Variants in DMD observed in about 807,000 individuals in gnomAD.
DMD encodes the protein dystrophin.
DMD carries 63 observed loss-of-function variants against 330.1 expected under a neutral mutation model. The ratio of observed to expected loss-of-function variants is 0.19; its 90% CI spans 0.16 to 0.24. The LOEUF is 0.24. Among genes scored for constraint, DMD ranks in the 10% least tolerant of loss-of-function variants. The probability of loss-of-function intolerance (pLI) is 1.00; values close to 1 mark genes in which losing one functional copy is unlikely to be tolerated. For missense variants in DMD, 3,344 were observed against 2,684.1 expected (o/e 1.25, Z -5.43); for synonymous variants, 1,223 against 959.8 (o/e 1.27, Z -5.07).
chrX:32,958,359 T>G (rs7888091), intron 2 of DMD, among the ~76,000 whole-genome samples: 3 of 111,743 alleles, frequency 2.7e-5, no homozygotes, highest in Admixed American at 9.5e-5. Flanking sequence ...TTATTTCACT[T>G]AATTTCTCAG....
intron 62 of DMD, among the ~76,000 whole-genome samples, chrX:31,289,351 G>A (rs1430755670): frequency 9.4e-6 from 1 of 106,478 alleles, no homozygotes; most frequent in Non-Finnish European, 1.9e-5. Context: ...TATTGTAATT[G>A]ACAACGCAAA....
intron 47 of DMD, among the ~76,000 whole-genome samples, chrX:31,895,267 T>G (rs1569502907): frequency 1.8e-5 from 2 of 111,620 alleles, no homozygotes; most frequent in Non-Finnish European, 3.8e-5. Context: ...ATGGGTAAAC[T>G]ATCGAAAGCT....
chrX:32,742,069 C>T (rs963092103), intron 7 of DMD, among the ~76,000 whole-genome samples: 8 of 111,420 alleles, frequency 7.2e-5, no homozygotes, highest in Non-Finnish European at 1.3e-4. Context: ...ATGACCTGTT[C>T]AGTGCCCTTG....
At chrX:31,946,447 C>A (rs1247722597) in intron 45 of DMD, among the ~76,000 whole-genome samples, 3 of 111,433 alleles carry the variant, frequency 2.7e-5, no homozygotes, top group Non-Finnish European at 5.7e-5. Context: ...TCTGCATGAA[C>A]TTTATTAGTG....
intron 1 of DMD, among the ~76,000 whole-genome samples, chrX:33,137,339 CTT>C (rs1290542320): frequency 2.7e-5 from 3 of 111,560 alleles, no homozygotes; most frequent in African/African-American, 9.8e-5. Context: ...TAAATGTTCT[CTT>C]TTTATAGTGG....
intron 18 of DMD, among the ~76,000 whole-genome samples, chrX:32,510,928 T>A (rs893348760): frequency 1.8e-5 from 2 of 110,187 alleles, no homozygotes; most frequent in Non-Finnish European, 3.8e-5. Context: ...TGGTAGAATC[T>A]TACCTCTCTG....
intron 7 of DMD, among the ~76,000 whole-genome samples, chrX:32,743,836 T>A (rs1490403224): frequency 9.0e-6 from 1 of 111,612 alleles, no homozygotes; most frequent in African/African-American, 3.3e-5. Flanking sequence ...TATTGAGTGA[T>A]GGGTGGTTAG....
intron 2 of DMD, among the ~76,000 whole-genome samples, chrX:32,870,957 G>C: frequency 7.1e-5 from 1 of 14,153 alleles, no homozygotes; most frequent in African/African-American, 4.4e-4. Context: ...CTTCTGTACA[G>C]CAAAAAAAAA....
rs190788898 is a variant in DMD, at chrX:32,335,156, A to T, written c.5922+6944T>A. Among the ~76,000 whole-genome samples, 37 of 110,510 alleles carry T rather than the reference A, an allele frequency of 3.3e-4. 1 individual carries two copies. In the East Asian group the frequency reaches 0.01, roughly 30 times the overall value. Reference sequence around the variant, plus strand: ...ACAACTTAAAAAAGTTAGTGGAAAAATATTCACAATATATAGGTGTTTATT... The same window carrying T: ...ACAACTTAAAAAAGTTAGTGGAAAATTATTCACAATATATAGGTGTTTATT... On this transcript the variant is annotated intron_variant, in intron 41 of 78. Transcript: ENST00000357033.
In DMD at chrX:31,529,390, T is replaced by TAAATA. The variant is rs778003859; in HGVS notation, c.8218-21942_8218-21938dup. On this transcript the variant is annotated intron_variant, in intron 55 of 78. Coordinates refer to ENST00000357033, the MANE Select transcript of DMD (RefSeq NM_004006.3). ...ACAGAGCAAGACTCTGTCTCTAAAA[T>TAAATA]AAATAAAATAAAATAAAATAAAATA... is the stretch of plus-strand genomic sequence containing the variant. Among the ~76,000 whole-genome samples the TAAATA allele has an allele frequency of 3.9e-3, 430 of 109,482 alleles. 3 individuals carry two copies. Among genetic ancestry groups the TAAATA allele is most frequent in the African/African-American group, 0.013 (400 of 30,050 alleles).
intron 30 of DMD, among the ~76,000 whole-genome samples, chrX:32,392,055 G>T (rs192814639): frequency 1.2e-3 from 136 of 111,551 alleles, no homozygotes; most frequent in Non-Finnish European, 1.8e-3. Flanking sequence ...ATTGACAGAA[G>T]AGTCTGGTCA....
chrX:31,351,735 A>AAAAAAAAAAAAAAAAAAAAAAAC, intron 60 of DMD, among the ~76,000 whole-genome samples: 1 of 107,969 alleles, frequency 9.3e-6, no homozygotes, highest in Non-Finnish European at 1.9e-5. Context: ...CAAAAAAAAA[A>AAAAAAAAAAAAAAAAAAAAAAAC]AAAAAAAAAG....
intron 50 of DMD, among the ~76,000 whole-genome samples, chrX:31,784,588 A>T (rs1349036914): frequency 8.9e-6 from 1 of 111,999 alleles, no homozygotes; most frequent in African/African-American, 3.2e-5. Context: ...GGACTTTACA[A>T]TGGTGTGAAA....
At chrX:32,737,143 G>C (rs1005568035) in intron 7 of DMD, among the ~76,000 whole-genome samples, 54 of 110,034 alleles carry the variant, frequency 4.9e-4, no homozygotes, top group African/African-American at 1.8e-3. Flanking sequence ...CAACAAAAGG[G>C]GGGGGACATA....
At chrX:32,225,793 TA>T (rs1450273405) in intron 43 of DMD, among the ~76,000 whole-genome samples, 2 of 107,635 alleles carry the variant, frequency 1.9e-5, no homozygotes, top group African/African-American at 3.4e-5. Flanking sequence ...CCACCATGAG[TA>T]AAAGCTCCCT....
intron 7 of DMD, among the ~76,000 whole-genome samples, chrX:32,731,499 T>C (rs912169917): frequency 3.6e-5 from 4 of 112,438 alleles, no homozygotes; most frequent in African/African-American, 6.5e-5. Context: ...CCTCTGCAGA[T>C]TTAAATATCC....
chrX:32,675,598 T>G (rs1160919385), intron 9 of DMD, among the ~76,000 whole-genome samples: 2 of 111,595 alleles, frequency 1.8e-5, no homozygotes, highest in African/African-American at 6.5e-5. Flanking sequence ...AAACCCAACC[T>G]TTCCTCTAAT....
intron 64 of DMD, among the ~76,000 whole-genome samples, chrX:31,221,884 C>T (rs888379497): frequency 9.0e-6 from 1 of 110,949 alleles, no homozygotes; most frequent in Non-Finnish European, 1.9e-5. Flanking sequence ...GGTGAAACCC[C>T]GTCTCTATTA....
chrX:31,209,369 G>T (rs2044407367), intron 65 of DMD, 129 bp downstream of exon 65: 4 of 664,612 alleles, frequency 6.0e-6, no homozygotes, highest in African/African-American at 2.2e-5. Flanking sequence ...ATGCAAAAAT[G>T]ATTTATCACA....
Sources: allele counts gnomAD v4.1 joint callset (sites outside exome capture counted in the v4.1 genomes callset), GRCh38; gene constraint gnomAD v4.1.1; transcripts MANE v1.5; gene names NCBI Gene and HGNC (gene_info 2026-07-23, HGNC 2026-07-21).